MAML3: variants seen among roughly 807,000 people sequenced by gnomAD.
The protein encoded by MAML3 is mastermind like transcriptional coactivator 3.
MAML3 carries 27 observed loss-of-function variants against 101.9 expected under a neutral mutation model. The observed-to-expected ratio is 0.27, with a 90% CI of 0.20 to 0.37. The LOEUF (loss-of-function observed/expected upper bound fraction) is 0.37, where lower values mean the gene tolerates loss of function less well. Ranked by LOEUF, MAML3 falls within the 10% of genes least tolerant of loss-of-function variation. The probability of loss-of-function intolerance (pLI) is 1.00; values close to 1 mark genes in which losing one functional copy is unlikely to be tolerated. For missense variants in MAML3, 1,316 were observed against 1,444.9 expected (o/e 0.91, Z 1.45); for synonymous variants, 501 against 555.9 (o/e 0.90, Z 1.39).
chr4:140,150,276 T>C (rs1729136679), intron 1 of MAML3, among the ~76,000 whole-genome samples: 1 of 152,220 alleles, frequency 6.6e-6, no homozygotes, highest in Non-Finnish European at 1.5e-5. Context: ...CTTTCTATTT[T>C]CAAAAGTAAG....
At chr4:140,103,366 C>CA (rs1728282680) in intron 1 of MAML3, among the ~76,000 whole-genome samples, 1 of 152,184 alleles carries the variant, frequency 6.6e-6, no homozygotes, top group Non-Finnish European at 1.5e-5. Flanking sequence ...CACAAGCTTT[C>CA]AACTATATTG....
chr4:140,133,142 A>G (rs562444383), intron 1 of MAML3: 4 of 423,884 alleles, frequency 9.4e-6, no homozygotes, highest in African/African-American at 4.1e-5. Flanking sequence ...ACAGTGTTTG[A>G]CTAGGTTTAA....
rs565270406 is a variant in MAML3 at position 140,022,115 on chromosome 4, A to C, written c.468+130745T>G. Among the ~76,000 whole-genome samples the C allele has an allele frequency of 5.3e-5, 8 of 152,368 alleles. No individual in the cohort carries two copies. In the South Asian group the frequency reaches 6.2e-4, roughly 12 times the overall value. Reference sequence around the variant, plus strand: ...GGACCCAAGGGAAGTTGCAAATTCCAGCAAGTGAGTGTGAGCATGAGAGAG... The same window carrying C: ...GGACCCAAGGGAAGTTGCAAATTCCCGCAAGTGAGTGTGAGCATGAGAGAG... On this transcript the variant is annotated intron_variant, in intron 1 of 4. Transcript: ENST00000509479.
At chr4:139,754,775 C>G (rs893155996) in intron 2 of MAML3, among the ~76,000 whole-genome samples, 5 of 151,972 alleles carry the variant, frequency 3.3e-5, no homozygotes, top group African/African-American at 1.2e-4. Flanking sequence ...AATGACCAGC[C>G]CAGTGCAATT....
chr4:139,918,893 C>A (rs895550199), intron 1 of MAML3, among the ~76,000 whole-genome samples: 3 of 152,068 alleles, frequency 2.0e-5, no homozygotes, highest in African/African-American at 4.8e-5. Flanking sequence ...ACCGCGCATA[C>A]CTCAGGCCTG....
intron 1 of MAML3, among the ~76,000 whole-genome samples, chr4:140,128,480 T>C (rs1273454703): frequency 6.6e-6 from 1 of 152,214 alleles, no homozygotes; most frequent in African/African-American, 2.4e-5. Flanking sequence ...CCCCAAGCTC[T>C]GACCACTACT....
intron 2 of MAML3, among the ~76,000 whole-genome samples, chr4:139,765,036 C>T (rs754260226): frequency 1.3e-5 from 2 of 152,222 alleles, no homozygotes; most frequent in African/African-American, 2.4e-5. Context: ...TGGGACCAGT[C>T]CCCCAGGCTG....
chr4:140,116,349 G>A (rs1324657232), intron 1 of MAML3, among the ~76,000 whole-genome samples: 2 of 152,178 alleles, frequency 1.3e-5, no homozygotes, highest in African/African-American at 4.8e-5. Context: ...CAGGGAATCA[G>A]CTCCTATTCA....
At chr4:140,000,871 T>C (rs916015556) in intron 1 of MAML3, among the ~76,000 whole-genome samples, 17 of 151,886 alleles carry the variant, frequency 1.1e-4, no homozygotes, top group African/African-American at 3.9e-4. Flanking sequence ...CTACTAAAAA[T>C]AGAAAATTAG....
chr4:139,983,876 T>A (rs1734487949), intron 1 of MAML3, among the ~76,000 whole-genome samples: 2 of 152,150 alleles, frequency 1.3e-5, no homozygotes. Flanking sequence ...CCCCATGTGT[T>A]TTACTCCAGT....
intron 1 of MAML3, among the ~76,000 whole-genome samples, chr4:139,934,309 G>T (rs1025524360): frequency 6.6e-6 from 1 of 152,072 alleles, no homozygotes; most frequent in South Asian, 2.1e-4. Flanking sequence ...ATGGGTGTGT[G>T]TGCGTGTGAG....
chr4:140,146,497 T>G (rs547095717), intron 1 of MAML3, among the ~76,000 whole-genome samples: 94 of 152,354 alleles, frequency 6.2e-4, no homozygotes, highest in African/African-American at 2.3e-3. Context: ...TCTTTAAACT[T>G]TCTTAGATTT....
chr4:140,011,233 C>CATATATAT (rs70943468), intron 1 of MAML3, among the ~76,000 whole-genome samples: 2,003 of 119,860 alleles, frequency 0.017, 102 homozygotes, highest in East Asian at 0.16. Flanking sequence ...ATAAAGTGTG[C>CATATATAT]ATATATATAT....
chr4:140,091,638 A>G (rs1728054436), intron 1 of MAML3, among the ~76,000 whole-genome samples: 1 of 152,082 alleles, frequency 6.6e-6, no homozygotes, highest in African/African-American at 2.4e-5. Flanking sequence ...TAGTACTTGT[A>G]AGGTATTCAG....
Position 139,852,306 on chromosome 4 carries a change from T to C in MAML3, c.2079+37051A>G, listed in dbSNP as rs578108848. On this transcript the variant is annotated intron_variant, in intron 2 of 4. Coordinates refer to ENST00000509479, the MANE Select transcript of MAML3 (RefSeq NM_018717.5). ...ACCATGTCATGGTCACAGAGTAAAATGTAAAAGACATAGAAAGCACCATAG... is the reference window on the plus strand; with the variant it reads ...ACCATGTCATGGTCACAGAGTAAAACGTAAAAGACATAGAAAGCACCATAG... 1.4e-3 allele frequency among the ~76,000 whole-genome samples: 205 copies of C among 151,436 alleles called. 3 individuals carry two copies. The highest frequency in any genetic ancestry group is 4.9e-3 in the African/African-American group (200 of 41,236).
intron 1 of MAML3, among the ~76,000 whole-genome samples, chr4:140,147,034 G>A (rs1294982143): frequency 6.6e-6 from 1 of 151,242 alleles, no homozygotes; most frequent in Non-Finnish European, 1.5e-5. Flanking sequence ...TCGGGAGGCT[G>A]AGGCAGGGGA....
intron 1 of MAML3, among the ~76,000 whole-genome samples, chr4:139,901,481 G>C (rs537835015): frequency 6.6e-6 from 1 of 152,274 alleles, no homozygotes; most frequent in African/African-American, 2.4e-5. Context: ...TCTCCCACTA[G>C]AAGTCATGAA....
At chr4:139,810,989 C>T (rs1019964034) in intron 2 of MAML3, among the ~76,000 whole-genome samples, 1 of 152,242 alleles carries the variant, frequency 6.6e-6, no homozygotes, top group African/African-American at 2.4e-5. Flanking sequence ...GGAGCACAGA[C>T]GTAAGGCCAG....
At chr4:139,812,986 AAAG>A (rs903539391) in intron 2 of MAML3, among the ~76,000 whole-genome samples, 5 of 143,860 alleles carry the variant, frequency 3.5e-5, no homozygotes, top group African/African-American at 1.5e-4. Flanking sequence ...AAAAAAAAAA[AAAG>A]GGGAGAACCT....
Sources: allele counts gnomAD v4.1 joint callset (sites outside exome capture counted in the v4.1 genomes callset), GRCh38; gene constraint gnomAD v4.1.1; transcripts MANE v1.5; gene names NCBI Gene and HGNC (gene_info 2026-07-23, HGNC 2026-07-21).